The following NR3C2 variants were observed in gnomAD, a reference collection of about 807,000 sequenced individuals.
NR3C2 encodes mineralocorticoid receptor.
In NR3C2, 15 loss-of-function variants were observed where a neutral mutation model predicts 86.4. The observed-to-expected ratio is 0.17, with a 90% CI of 0.12 to 0.27. NR3C2 has a LOEUF of 0.27. Ranked by LOEUF, NR3C2 falls within the 10% of genes least tolerant of loss-of-function variation. The pLI, the probability that NR3C2 is intolerant of heterozygous loss-of-function variation, is 1.00. For missense variants in NR3C2, 960 were observed against 1,195.6 expected (o/e 0.80, Z 2.91); for synonymous variants, 458 against 450.5 (o/e 1.02, Z -0.21).
chr4:148,316,755 A>G (rs1420680775), intron 2 of NR3C2, among the ~76,000 whole-genome samples: 1 of 152,160 alleles, frequency 6.6e-6, no homozygotes, highest in Non-Finnish European at 1.5e-5. Context: ...CCACTTAAAA[A>G]TTAAATGCCC....
intron 2 of NR3C2, among the ~76,000 whole-genome samples, chr4:148,414,572 CTTGA>C (rs1228700152): frequency 6.6e-6 from 1 of 152,052 alleles, no homozygotes; most frequent in Non-Finnish European, 1.5e-5. Context: ...TATAATCCAC[CTTGA>C]TTGTTACTGA....
chr4:148,123,670 A>G (rs1732617111), intron 6 of NR3C2, among the ~76,000 whole-genome samples: 1 of 152,244 alleles, frequency 6.6e-6, no homozygotes, highest in Non-Finnish European at 1.5e-5. Flanking sequence ...ACTTATGGAA[A>G]ATAGAAAGAA....
intron 4 of NR3C2, among the ~76,000 whole-genome samples, chr4:148,186,225 A>G (rs1434661922): frequency 1.3e-5 from 2 of 152,206 alleles, no homozygotes; most frequent in Non-Finnish European, 2.9e-5. Flanking sequence ...TAGATTTAGA[A>G]TCTTTTCATG....
intron 8 of NR3C2, among the ~76,000 whole-genome samples, chr4:148,093,425 G>A (rs1263220971): frequency 6.6e-6 from 1 of 152,202 alleles, no homozygotes; most frequent in Non-Finnish European, 1.5e-5. Context: ...AAGCCTGAAT[G>A]ATACAGCCTC....
At chr4:148,248,175 C>T (rs767113781) in intron 3 of NR3C2, among the ~76,000 whole-genome samples, 12 of 152,128 alleles carry the variant, frequency 7.9e-5, no homozygotes, top group African/African-American at 9.7e-5. Context: ...ACAATTTCAT[C>T]GACCATTCTC....
intron 3 of NR3C2, among the ~76,000 whole-genome samples, chr4:148,195,893 T>C: frequency 6.6e-6 from 1 of 152,018 alleles, no homozygotes; most frequent in South Asian, 2.1e-4. Context: ...TCCTTAGAGG[T>C]GATATTCAAG....
At chr4:148,271,863 T>C (rs1740701314) in intron 2 of NR3C2, among the ~76,000 whole-genome samples, 1 of 152,214 alleles carries the variant, frequency 6.6e-6, no homozygotes, top group African/African-American at 2.4e-5. Context: ...GGGCCTGGCT[T>C]CTTTCTAGCT....
chr4:148,411,068 T>C (rs1410672026), intron 2 of NR3C2, among the ~76,000 whole-genome samples: 1 of 152,212 alleles, frequency 6.6e-6, no homozygotes, highest in Non-Finnish European at 1.5e-5. Flanking sequence ...ACACATTTTT[T>C]AGTTGTAGCA....
At chr4:148,242,048 G>A (rs2149849196) in intron 3 of NR3C2, among the ~76,000 whole-genome samples, 1 of 152,252 alleles carries the variant, frequency 6.6e-6, no homozygotes, top group Non-Finnish European at 1.5e-5. Flanking sequence ...GGGGGGAAGA[G>A]GAATTAGGAT....
chr4:148,430,418 T>TA (rs752809764), intron 2 of NR3C2, among the ~76,000 whole-genome samples: 20 of 152,232 alleles, frequency 1.3e-4, no homozygotes, highest in Non-Finnish European at 1.3e-4. Flanking sequence ...ATAAAACACT[T>TA]AATTTTTTTA....
At chr4:148,124,516 C>A (rs181276473) in intron 6 of NR3C2, among the ~76,000 whole-genome samples, 2 of 152,154 alleles carry the variant, frequency 1.3e-5, no homozygotes, top group Admixed American at 1.3e-4. Context: ...AAATTTTTTT[C>A]TCTATTTATA....
chr4:148,225,063 C>A (rs1346197245), intron 3 of NR3C2, among the ~76,000 whole-genome samples: 2 of 152,162 alleles, frequency 1.3e-5, no homozygotes, highest in Non-Finnish European at 2.9e-5. Flanking sequence ...AGAACTGGAA[C>A]TTTAAATCTT....
chr4:148,405,786 G>T (rs990549953), intron 2 of NR3C2, among the ~76,000 whole-genome samples: 14 of 152,224 alleles, frequency 9.2e-5, no homozygotes, highest in Admixed American at 2.6e-4. Context: ...CTGACGCACA[G>T]GTGCAGTGTC....
upstream of NR3C2, chr4:148,444,205 CATT>C (rs72646930): frequency 1.1e-3 from 1,111 of 983,994 alleles, 2 homozygotes; most frequent in Non-Finnish European, 1.2e-3. Context: ...CCGAATTATT[CATT>C]ATTAAAGGAA....
intron 6 of NR3C2, among the ~76,000 whole-genome samples, chr4:148,144,603 T>C (rs986318490): frequency 6.6e-5 from 10 of 152,332 alleles, no homozygotes; most frequent in Middle Eastern, 6.8e-3. Flanking sequence ...GAAATAATTC[T>C]GGTTTTGGGG....
At chr4:148,147,603 G>T (rs957850079) in intron 6 of NR3C2, among the ~76,000 whole-genome samples, 1 of 152,212 alleles carries the variant, frequency 6.6e-6, no homozygotes, top group African/African-American at 2.4e-5. Flanking sequence ...AGAGATACAC[G>T]TACTTAAGAG....
intron 2 of NR3C2, among the ~76,000 whole-genome samples, chr4:148,276,594 T>C (rs1315082862): frequency 2.0e-5 from 3 of 152,206 alleles, no homozygotes; most frequent in Non-Finnish European, 4.4e-5. Context: ...AAAAGGGCTA[T>C]TGTCTGATAA....
intron 2 of NR3C2, among the ~76,000 whole-genome samples, chr4:148,295,947 T>C (rs1324087305): frequency 6.7e-6 from 1 of 149,608 alleles, no homozygotes; most frequent in Non-Finnish European, 1.5e-5. Context: ...AGTCAACAAA[T>C]TTCATCCAGA....
chr4:148,167,554 A>G (rs1273192319), intron 4 of NR3C2, among the ~76,000 whole-genome samples: 1 of 152,170 alleles, frequency 6.6e-6, no homozygotes, highest in African/African-American at 2.4e-5. Flanking sequence ...GCCCAACATG[A>G]TATACTCTAT....
Sources: allele counts gnomAD v4.1 joint callset (sites outside exome capture counted in the v4.1 genomes callset), GRCh38; gene constraint gnomAD v4.1.1; transcripts MANE v1.5; gene names NCBI Gene and HGNC (gene_info 2026-07-23, HGNC 2026-07-21).